Variants in ATR observed in about 807,000 individuals in gnomAD.
The protein encoded by ATR is ATR checkpoint kinase.
Under a neutral mutation model 305.3 loss-of-function variants are expected in ATR, and 142 were observed. The observed-to-expected ratio is 0.47, with a 90% confidence interval of 0.41 to 0.53. The LOEUF is 0.53. ATR is among the 20% of genes least tolerant of loss of function. The pLI, the probability that ATR is intolerant of heterozygous loss-of-function variation, is 0.00. For synonymous variants in ATR, 1,050 were observed against 1,068.1 expected (o/e 0.98, Z 0.33); for missense variants, 2,135 against 3,133.1 (o/e 0.68, Z 7.60).
chr3:142,480,774 G>T (rs1264585014), intron 36 of ATR, among the ~76,000 whole-genome samples: 1 of 152,174 alleles, frequency 6.6e-6, no homozygotes, highest in Non-Finnish European at 1.5e-5. Flanking sequence ...ACCTACTCAA[G>T]CCTCAGCAAT....
intron 46 of ATR, chr3:142,450,670 AT>A: frequency 6.2e-7 from 1 of 1,600,964 alleles, no homozygotes. Context: ...GTATTATGCA[AT>A]TTAAAAAATC....
At chr3:142,536,530 T>C (rs1175048277) in intron 19 of ATR, among the ~76,000 whole-genome samples, 1 of 152,228 alleles carries the variant, frequency 6.6e-6, no homozygotes, top group Non-Finnish European at 1.5e-5. Flanking sequence ...AGATATACTG[T>C]GCCAATTTGG....
intron 32 of ATR, among the ~76,000 whole-genome samples, chr3:142,497,916 T>C (rs140903699): frequency 1.3e-5 from 2 of 152,174 alleles, no homozygotes; most frequent in Non-Finnish European, 2.9e-5. Flanking sequence ...CCTTGTATGA[T>C]AGTCAGTGTC....
chr3:142,570,611 C>A (rs1347858004), intron 1 of ATR, among the ~76,000 whole-genome samples: 3 of 152,208 alleles, frequency 2.0e-5, no homozygotes, highest in Admixed American at 2.0e-4. Flanking sequence ...TAGTCTGGAA[C>A]TCCTGACCTC....
intron 36 of ATR, among the ~76,000 whole-genome samples, chr3:142,482,693 G>A (rs1287653907): frequency 6.6e-6 from 1 of 151,976 alleles, no homozygotes; most frequent in Admixed American, 6.6e-5. Context: ...AAACATAGTT[G>A]GGCATGGTGG....
Position 142,556,518 on chromosome 3 carries a change from A to G in ATR, c.1943T>C (p.Phe648Ser), listed in dbSNP as rs2034679344. ...GTAAACTGCTGTTCTCCACTCAAGG[A>G]ATATTCTTCTTGGAAACAGAGTCAG... ...FLLTLFPRRI[F>S]LEWRTAVYNW... The change falls in exon 9 of 47, where the codon TTC (phenylalanine) becomes TCC (serine). Residue 648 changes from phenylalanine to serine, a missense_variant. Transcript: ENST00000350721. The G allele has an allele frequency of 6.2e-7, 1 of 1,614,120 alleles. No individual in the cohort carries two copies. Among genetic ancestry groups the G allele is most frequent in the East Asian group, 2.2e-5 (1 of 44,880 alleles).
Position 142,515,386 on chromosome 3 carries a change from GT to G in ATR, c.4503+8del, listed in dbSNP as rs2032814703. Reference sequence around the variant, plus strand: ...CCATTCAGTTAACAAACTGAACAGGGTTTCTTACCTTTGTAATAAGATAACC... The same window carrying G: ...CCATTCAGTTAACAAACTGAACAGGGTTCTTACCTTTGTAATAAGATAACC... On this transcript the variant is annotated splice_region_variant and intron_variant, in intron 25 of 46. Coordinates refer to ENST00000350721, the MANE Select transcript of ATR (RefSeq NM_001184.4). 2 of 1,613,692 alleles carry G rather than the reference GT, an allele frequency of 1.2e-6. No homozygotes were observed. Among genetic ancestry groups the G allele is most frequent in the Middle Eastern group, 1.7e-4 (1 of 6,056 alleles).
intron 36 of ATR, among the ~76,000 whole-genome samples, chr3:142,474,673 T>C (rs1255831048): frequency 3.3e-5 from 5 of 152,192 alleles, no homozygotes; most frequent in Non-Finnish European, 5.9e-5. Context: ...CGTCTGCAAA[T>C]AGAAAAAAAT....
At chr3:142,532,456 T>C (rs377453871) in intron 21 of ATR, among the ~76,000 whole-genome samples, 1 of 152,246 alleles carries the variant, frequency 6.6e-6, no homozygotes, top group Admixed American at 6.5e-5. Flanking sequence ...CTTTTCTACA[T>C]AGAAATCATT....
chr3:142,492,417 G>T (rs980845971), intron 35 of ATR, among the ~76,000 whole-genome samples: 3 of 152,130 alleles, frequency 2.0e-5, no homozygotes, highest in Admixed American at 6.6e-5. Flanking sequence ...TCATGTGCAG[G>T]CTGGTATTCA....
chr3:142,450,748 C>G, intron 46 of ATR: 1 of 1,528,074 alleles, frequency 6.5e-7, no homozygotes, highest in Non-Finnish European at 8.8e-7. Flanking sequence ...GCTGGCAGGT[C>G]TTCAGCACCC....
At chr3:142,542,457 G>A (rs1017493555) in intron 17 of ATR, among the ~76,000 whole-genome samples, 1 of 152,112 alleles carries the variant, frequency 6.6e-6, no homozygotes, top group African/African-American at 2.4e-5. Context: ...AGTCACTTTG[G>A]GTTGGGTGTT....
chr3:142,578,029 A>C (rs563415284), intron 1 of ATR, among the ~76,000 whole-genome samples: 1 of 152,022 alleles, frequency 6.6e-6, no homozygotes, highest in East Asian at 1.9e-4. Context: ...CCAGGGGTCT[A>C]TCTCTCCAAT....
intron 25 of ATR, among the ~76,000 whole-genome samples, chr3:142,514,525 T>C (rs1041199314): frequency 2.0e-5 from 3 of 151,084 alleles, no homozygotes; most frequent in African/African-American, 7.3e-5. Flanking sequence ...TCCCAGCCAC[T>C]TGGGAGGCTG....
At chr3:142,457,842 G>A in intron 44 of ATR, 87 bp from the exon 45 acceptor site, 3 of 1,405,202 alleles carry the variant, frequency 2.1e-6, no homozygotes, top group Admixed American at 2.0e-5. Flanking sequence ...GATTCTTTTA[G>A]CAAAAAGCAA....
At chr3:142,541,300 A>G (rs2034044659) in intron 17 of ATR, among the ~76,000 whole-genome samples, 1 of 152,188 alleles carries the variant, frequency 6.6e-6, no homozygotes, top group Non-Finnish European at 1.5e-5. Flanking sequence ...ATTCATCTAG[A>G]ACAGTACAAT....
chr3:142,524,021 T>G lies in ATR; in HGVS notation c.4124A>C (p.Glu1375Ala). 1 of 1,614,122 alleles carries G rather than the reference T, an allele frequency of 6.2e-7. No homozygotes were observed. ...AAATGTAAAATCTTTTCCTTGAGTT[T>G]CAGTTGTTGAGAAATCTAATCGACC... Reference protein sequence around the residue: ...DPGRLDFSTTETQGKDFTFVT... With the variant: ...DPGRLDFSTTATQGKDFTFVT... Residue 1375 changes from glutamate (E) to alanine (A), a missense_variant, in exon 22 of 47, where the codon GAA becomes GCA. Transcript: ENST00000350721.
At chr3:142,558,931 G>T in intron 7 of ATR, 155 bp from the exon 8 acceptor site, 1 of 748,050 alleles carries the variant, frequency 1.3e-6, no homozygotes, top group Non-Finnish European at 2.1e-6. Flanking sequence ...TGAGGTCTGT[G>T]AACCCAAAGA....
chr3:142,542,765 A>G lies in ATR; in HGVS notation c.3358-8T>C. 6.3e-7 allele frequency: 1 copy of G among 1,583,000 alleles called. No homozygotes were observed. Among genetic ancestry groups the G allele is most frequent in the Non-Finnish European group, 8.7e-7 (1 of 1,153,168 alleles). On this transcript the variant is annotated splice_polypyrimidine_tract_variant and splice_region_variant and intron_variant, in intron 16 of 46. Coordinates refer to ENST00000350721, the MANE Select transcript of ATR (RefSeq NM_001184.4). ...GGGTTGTAAATAATCAGCCTAAGAA[A>G]TAAAAACAGATAATATGTAAGCTTT...
Sources: gnomAD v4.1 joint callset for allele counts (sites outside exome capture counted in the v4.1 genomes callset) on GRCh38, gnomAD v4.1.1 for gene constraint, MANE v1.5 for transcripts, NCBI Gene and HGNC (gene_info 2026-07-23, HGNC 2026-07-21) for gene names.